The following PRRC2B variants were observed in gnomAD, a reference collection of about 807,000 sequenced individuals.
The protein encoded by PRRC2B is protein PRRC2B.
Under a neutral mutation model 242.3 loss-of-function variants are expected in PRRC2B, and 68 were observed. The ratio of observed to expected loss-of-function variants is 0.28; its 90% CI spans 0.23 to 0.34. The LOEUF is 0.34. Ranked by LOEUF, PRRC2B falls within the 10% of genes least tolerant of loss-of-function variation. PRRC2B has a pLI of 1.00. For synonymous variants in PRRC2B, 1,228 were observed against 1,173.6 expected, an observed-to-expected ratio of 1.05 and a Z score of -0.95; for missense variants, 2,835 against 2,954.8, an observed-to-expected ratio of 0.96 and a Z score of 0.94.
intron 1 of PRRC2B, among the ~76,000 whole-genome samples, chr9:131,405,855 G>C (rs2131290113): frequency 6.6e-6 from 1 of 152,300 alleles, no homozygotes; most frequent in Middle Eastern, 3.4e-3. Context: ...CCCTGCTTTG[G>C]GGTCAGCTGC....
rs971482484 is a variant in PRRC2B at position 131,444,234 on chromosome 9, G to A, written c.519G>A (p.Pro173=). Residue 173 remains proline (P), a synonymous_variant, in exon 6 of 32, where the codon CCG becomes CCA. Transcript: ENST00000683519. The part of the protein sequence containing the change: ...RLLSFSPEEF[P]TLKAAGGQDK... ...TATCCTTCTCTCCCGAGGAATTTCC[G>A]ACGCTGAAAGCAGCTGGAGGGCAGG... is the stretch of plus-strand genomic sequence containing the variant. 11 of 1,613,852 alleles carry A rather than the reference G, an allele frequency of 6.8e-6. No homozygotes were observed. The highest frequency in any genetic ancestry group is 2.2e-5 in the East Asian group (1 of 44,892).
Position 131,478,609 on chromosome 9 carries a change from A to C in PRRC2B, c.4748A>C (p.Gln1583Pro), listed in dbSNP as rs1417914099. ...GAGGAAGAGAGAAGAAAGAAGGAGC[A>C]GGCCGTGCAGGTGAGGGGCGGAGGG... ...LLEEERRKKE[Q>P]AVQVPVKGRG... Residue 1583 changes from glutamine to proline, a missense_variant, in exon 18 of 32, where the codon CAG becomes CCG. Physicochemically the swap from Gln to Pro is moderately conservative, Grantham distance 76. Transcript: ENST00000683519. 6 of 910,928 alleles carry C rather than the reference A, an allele frequency of 6.6e-6. No homozygotes were observed. In the Admixed American group the frequency reaches 9.4e-5, roughly 14 times the overall value. The allele number at this position is 910,928 out of a possible 1,614,324, so 56.4% of individuals were successfully genotyped here. A position where few individuals can be genotyped will look rare whatever the true frequency, so the allele number is the denominator to read the frequency against.
chr9:131,438,813 AGT>A (rs1270230815), intron 4 of PRRC2B, among the ~76,000 whole-genome samples, 174 bp from the exon 5 acceptor site: 1 of 151,890 alleles, frequency 6.6e-6, no homozygotes, highest in Non-Finnish European at 1.5e-5. Context: ...CGCTGTGTGG[AGT>A]GTGCGTTACA....
chr9:131,435,575 A>G (rs1280889205), intron 3 of PRRC2B, among the ~76,000 whole-genome samples: 1 of 151,122 alleles, frequency 6.6e-6, no homozygotes, highest in East Asian at 1.9e-4. Flanking sequence ...AGATCATGCC[A>G]CTGCACTGCA....
At chr9:131,479,639 T>C (rs1943801745) in intron 19 of PRRC2B, among the ~76,000 whole-genome samples, 1 of 152,338 alleles carries the variant, frequency 6.6e-6, no homozygotes, top group Non-Finnish European at 1.5e-5. Flanking sequence ...CATTCATTAG[T>C]CTGGTGATCT....
chr9:131,492,992 C>A (rs1189980400), intron 30 of PRRC2B, among the ~76,000 whole-genome samples: 1 of 152,228 alleles, frequency 6.6e-6, no homozygotes, highest in Non-Finnish European at 1.5e-5. Flanking sequence ...ACCTGCCTGA[C>A]CCATGGTGCC....
intron 2 of PRRC2B, among the ~76,000 whole-genome samples, chr9:131,430,892 C>T (rs1364598105): frequency 6.6e-6 from 1 of 151,486 alleles, no homozygotes; most frequent in Non-Finnish European, 1.5e-5. Flanking sequence ...TGTGCCTGGC[C>T]AAAGCTGTGG....
At chr9:131,434,141 A>G (rs1404495014) in intron 3 of PRRC2B, among the ~76,000 whole-genome samples, 2 of 152,202 alleles carry the variant, frequency 1.3e-5, no homozygotes, top group South Asian at 4.1e-4. Flanking sequence ...GGGCTAGCAT[A>G]GGTCAAGTGC....
intron 1 of PRRC2B, among the ~76,000 whole-genome samples, chr9:131,412,066 C>CA (rs570632376): frequency 6.6e-6 from 1 of 152,032 alleles, no homozygotes; most frequent in South Asian, 2.1e-4. Context: ...TTCGGACTCT[C>CA]AGAGTGTGGG....
chr9:131,386,674 G>A (rs1335759375), intron 1 of PRRC2B, among the ~76,000 whole-genome samples: 1 of 149,960 alleles, frequency 6.7e-6, no homozygotes, highest in African/African-American at 2.4e-5. Context: ...GAGGTCAAGG[G>A]CCAGACACCC....
chr9:131,468,998 G>A (rs1347806128), intron 13 of PRRC2B, among the ~76,000 whole-genome samples: 2 of 152,186 alleles, frequency 1.3e-5, no homozygotes, highest in African/African-American at 4.8e-5. Flanking sequence ...ATTGCTCTAG[G>A]TAACTCCTTG....
In PRRC2B at chr9:131,477,797, G is replaced by C; in HGVS notation, c.4460G>C (p.Gly1487Ala). ...GGLSGCSSGS[G>A]HSPYALERAA... ...CTTAGTGGCTGCAGCAGTGGGAGTG[G>C]CCACTCCCCCTATGCCCTGGAGCGG... The change falls in exon 17 of 32, where the codon GGC (glycine) becomes GCC (alanine). Residue 1487 changes from glycine to alanine, a missense_variant. Physicochemically the swap from Gly to Ala is moderately conservative, Grantham distance 60. Coordinates refer to ENST00000683519, the MANE Select transcript of PRRC2B (RefSeq NM_013318.4). 1 of 1,611,888 alleles carries C rather than the reference G, an allele frequency of 6.2e-7. No homozygotes were observed. The highest frequency in any genetic ancestry group is 8.5e-7 in the Non-Finnish European group (1 of 1,179,170).
chr9:131,476,288 C>A lies in PRRC2B; in HGVS notation c.4159C>A (p.Arg1387=). The change falls in exon 16 of 32, where the codon CGG becomes AGG. Residue 1387 remains arginine (R), a synonymous_variant. Coordinates refer to ENST00000683519, the MANE Select transcript of PRRC2B (RefSeq NM_013318.4). Reference sequence around the variant, plus strand: ...CGAAAGCAGCGACTTCAGCGAGCGGCGGGAGCGGCGGGAAGGCCCTGGGTC... The same window carrying A: ...CGAAAGCAGCGACTTCAGCGAGCGGAGGGAGCGGCGGGAAGGCCCTGGGTC... ...ASESSDFSER[R]ERREGPGSEP... The A allele has an allele frequency of 6.3e-7, 1 of 1,586,098 alleles. No homozygotes were observed. Among genetic ancestry groups the A allele is most frequent in the Non-Finnish European group, 8.6e-7 (1 of 1,166,820 alleles).
chr9:131,445,890 C>T (rs2131387372), intron 6 of PRRC2B, among the ~76,000 whole-genome samples: 2 of 152,366 alleles, frequency 1.3e-5, no homozygotes, highest in Middle Eastern at 6.8e-3. Context: ...AAGTGCCCCA[C>T]ACCTCCACTG....
chr9:131,464,203 A>T (rs1388676990), intron 11 of PRRC2B, among the ~76,000 whole-genome samples: 1 of 152,198 alleles, frequency 6.6e-6, no homozygotes, highest in African/African-American at 2.4e-5. Context: ...CAGACTCCCA[A>T]AGTGCTGGGA....
chr9:131,373,770 C>G (rs963330231), intron 1 of PRRC2B: 1 of 152,160 alleles, frequency 6.6e-6, no homozygotes, highest in African/African-American at 2.4e-5. Context: ...TTTAGGATCG[C>G]TCGTCTAGGC....
At chr9:131,376,379 A>T (rs1836685561) in intron 1 of PRRC2B, among the ~76,000 whole-genome samples, 1 of 151,476 alleles carries the variant, frequency 6.6e-6, no homozygotes, top group African/African-American at 2.4e-5. Flanking sequence ...GGATGAAATG[A>T]TAACATGCAT....
chr9:131,440,144 T>G (rs1838515584), intron 5 of PRRC2B, among the ~76,000 whole-genome samples: 1 of 152,164 alleles, frequency 6.6e-6, no homozygotes, highest in Admixed American at 6.5e-5. Flanking sequence ...TGGGCTCAAA[T>G]GATCCTCCTA....
Position 131,488,059 on chromosome 9 carries a change from T to C in PRRC2B, c.6188T>C (p.Leu2063Pro). The C allele has an allele frequency of 6.2e-7, 1 of 1,613,406 alleles. No homozygotes were observed. Among genetic ancestry groups the C allele is most frequent in the Non-Finnish European group, 8.5e-7 (1 of 1,179,578 alleles). Residue 2063 changes from leucine (L) to proline (P), a missense_variant, in exon 28 of 32, where the codon CTG becomes CCG. Physicochemically the swap from Leu to Pro is moderately conservative, Grantham distance 98. Transcript: ENST00000683519. ...YEGQLSQAAG[L>P]GASQMLDSQL... ...GGCCAGCTCAGCCAGGCTGCTGGCC[T>C]GGGTGCCTCCCAGATGTTGGACTCC... is the stretch of plus-strand genomic sequence containing the variant.
Sources: gnomAD v4.1 joint callset for allele counts (sites outside exome capture counted in the v4.1 genomes callset) on GRCh38, gnomAD v4.1.1 for gene constraint, MANE v1.5 for transcripts, NCBI Gene and HGNC (gene_info 2026-07-23, HGNC 2026-07-21) for gene names.